The following TRPC5 variants were observed in gnomAD, a reference collection of about 807,000 sequenced individuals.
TRPC5 encodes transient receptor potential cation channel subfamily C member 5, also known as short transient receptor potential channel 5.
TRPC5 carries 9 observed loss-of-function variants against 56.5 expected under a neutral mutation model. That is an observed-to-expected ratio of 0.16 (90% CI 0.10 to 0.28). TRPC5 has a LOEUF of 0.28. TRPC5 is among the 10% of genes least tolerant of loss of function. The pLI, the probability that TRPC5 is intolerant of heterozygous loss-of-function variation, is 1.00. For synonymous variants in TRPC5, 282 were observed against 278.5 expected, an observed-to-expected ratio of 1.01 and a Z score of -0.13; for missense variants, 469 against 748.9, an observed-to-expected ratio of 0.63 and a Z score of 4.36.
chrX:111,858,794 C>G (rs981101055), intron 3 of TRPC5, among the ~76,000 whole-genome samples: 1 of 111,660 alleles, frequency 9.0e-6, no homozygotes. Context: ...TTCCTCTGTG[C>G]CCCAGCCTTC....
intron 7 of TRPC5, among the ~76,000 whole-genome samples, chrX:111,792,478 TAAAAA>T (rs1030931101): frequency 9.0e-6 from 1 of 110,689 alleles, no homozygotes; most frequent in East Asian, 2.8e-4. Flanking sequence ...TTTAAAAAAT[TAAAAA>T]AAAGCACTAC....
Position 111,858,375 on chromosome X carries a change from A to G in TRPC5, c.901-4269T>C, listed in dbSNP as rs1220455936. ...TAGGTTTTTATTTTAATGAAGTCCA[A>G]TTTGTAGTTTTTGTTGTTGTTGTAA... On this transcript the variant is annotated intron_variant, in intron 3 of 10. Coordinates refer to ENST00000262839, the MANE Select transcript of TRPC5 (RefSeq NM_012471.3). 2.7e-5 allele frequency among the ~76,000 whole-genome samples: 3 copies of G among 111,359 alleles called. No individual in the cohort carries two copies. The East Asian group carries it at 8.4e-4, about 31-fold the overall frequency.
In TRPC5 at chrX:111,775,474, T is replaced by C. The variant is rs1485076108; in HGVS notation, c.*839A>G. On this transcript the variant is annotated 3_prime_UTR_variant, in exon 11 of 11. Coordinates refer to ENST00000262839, the MANE Select transcript of TRPC5 (RefSeq NM_012471.3). Reference sequence around the variant, plus strand: ...TATCTTGCCAATGTATGAGATGTAGTGACTATTGGTTAGAGTGTAGTAGAT... The same window carrying C: ...TATCTTGCCAATGTATGAGATGTAGCGACTATTGGTTAGAGTGTAGTAGAT... 1 of 112,225 alleles carries C rather than the reference T, an allele frequency of 8.9e-6. No homozygotes were observed. Among genetic ancestry groups the C allele is most frequent in the Non-Finnish European group, 1.9e-5 (1 of 53,284 alleles). 9.2% of individuals were successfully genotyped at this position (112,225 alleles called of 1,213,427 possible).
At chrX:111,885,557 T>TAA (rs77870285) in intron 3 of TRPC5, among the ~76,000 whole-genome samples, 34 of 106,136 alleles carry the variant, frequency 3.2e-4, no homozygotes, top group Admixed American at 6.1e-4. Context: ...TTTTTTTTTT[T>TAA]AAAAAAAGAA....
chrX:112,050,889 A>G (rs1472796286), intron 1 of TRPC5, among the ~76,000 whole-genome samples: 1 of 112,470 alleles, frequency 8.9e-6, no homozygotes, highest in Non-Finnish European at 1.9e-5. Context: ...AGTGGGCCAA[A>G]AATCAAAATA....
chrX:112,017,856 AC>A (rs1212131094), intron 1 of TRPC5, among the ~76,000 whole-genome samples: 1 of 112,389 alleles, frequency 8.9e-6, no homozygotes, highest in African/African-American at 3.2e-5. Flanking sequence ...TTAAACTAGT[AC>A]AGTAGCTATG....
At chrX:111,999,914 C>T (rs915595394) in intron 1 of TRPC5, among the ~76,000 whole-genome samples, 2 of 111,187 alleles carry the variant, frequency 1.8e-5, no homozygotes, top group South Asian at 3.9e-4. Flanking sequence ...TGCCGTGACC[C>T]GAGATCGCAC....
chrX:111,804,682 T>C (rs1252876341), intron 7 of TRPC5, among the ~76,000 whole-genome samples: 1 of 111,786 alleles, frequency 8.9e-6, no homozygotes, highest in African/African-American at 3.3e-5. Flanking sequence ...GGAATGCTTG[T>C]GATTTTTGCA....
chrX:112,057,273 A>T (rs1930362701), intron 1 of TRPC5, among the ~76,000 whole-genome samples: 1 of 111,818 alleles, frequency 8.9e-6, no homozygotes, highest in South Asian at 3.7e-4. Context: ...TCAATGACTG[A>T]TTTAATAAAG....
At chrX:111,948,530 G>A (rs751720177) in intron 2 of TRPC5, among the ~76,000 whole-genome samples, 2 of 110,410 alleles carry the variant, frequency 1.8e-5, no homozygotes, top group Admixed American at 1.9e-4. Flanking sequence ...TCAGGAGTTC[G>A]AGACCAGCCT....
At chrX:111,887,154 T>C in intron 3 of TRPC5, among the ~76,000 whole-genome samples, 1 of 112,697 alleles carries the variant, frequency 8.9e-6, no homozygotes, top group East Asian at 2.8e-4. Context: ...CTTTTTGGAC[T>C]CTCACATCTC....
chrX:112,002,589 T>C (rs1190246763), intron 1 of TRPC5, among the ~76,000 whole-genome samples: 5 of 112,040 alleles, frequency 4.5e-5, no homozygotes, highest in Admixed American at 1.9e-4. Context: ...TGAAGCAGCC[T>C]ATTGTCTTGA....
intron 1 of TRPC5, among the ~76,000 whole-genome samples, chrX:112,014,138 G>A (rs1929060325): frequency 9.0e-6 from 1 of 111,662 alleles, no homozygotes; most frequent in Non-Finnish European, 1.9e-5. Flanking sequence ...CCCAGGTGCT[G>A]CTGGTGCTGC....
chrX:112,048,291 C>T (rs1002997098), intron 1 of TRPC5, among the ~76,000 whole-genome samples: 1 of 107,437 alleles, frequency 9.3e-6, no homozygotes, highest in Non-Finnish European at 1.9e-5. Flanking sequence ...GTTCTAGCTA[C>T]TTGGGAGGCT....
rs1569524918 is a variant in TRPC5 at position 111,774,285 on chromosome X, TA to T, written c.*2027del. 1 of 111,935 alleles carries T rather than the reference TA, an allele frequency of 8.9e-6. No homozygotes were observed. The highest frequency in any genetic ancestry group is 1.9e-5 in the Non-Finnish European group (1 of 53,115). The allele number at this position is 111,935 out of a possible 1,213,427, so 9.2% of individuals were successfully genotyped here. A position where few individuals can be genotyped will look rare whatever the true frequency, so the allele number is the denominator to read the frequency against. ...TGAGAAAAACATGTTTTTCTTTTTA[TA>T]AAATGGGGTTATATGCTATTTCTTT... On this transcript the variant is annotated 3_prime_UTR_variant, in exon 11 of 11. Coordinates refer to ENST00000262839, the MANE Select transcript of TRPC5 (RefSeq NM_012471.3).
At chrX:111,833,729 A>ATG (rs999017708) in intron 7 of TRPC5, among the ~76,000 whole-genome samples, 7 of 109,256 alleles carry the variant, frequency 6.4e-5, no homozygotes, top group South Asian at 3.9e-4. Flanking sequence ...ATGTATGGGT[A>ATG]TGTGTGTGTG....
At position 111,788,153 on chromosome X, in the gene TRPC5, G is replaced by A. The variant is rs189320286; in HGVS notation, c.1897-6015C>T. ...CAATATCCCTGATGAACATCAATGC[G>A]AAAATCCTCAATGAAATACTGGCAA... On this transcript the variant is annotated intron_variant, in intron 7 of 10. Transcript: ENST00000262839. 5.2e-3 allele frequency among the ~76,000 whole-genome samples: 582 copies of A among 111,592 alleles called. 7 individuals carry two copies. Among genetic ancestry groups the A allele is most frequent in the African/African-American group, 0.017 (536 of 30,745 alleles).
At chrX:111,780,748 C>T (rs995347297) in intron 9 of TRPC5, among the ~76,000 whole-genome samples, 5 of 111,887 alleles carry the variant, frequency 4.5e-5, no homozygotes, top group Non-Finnish European at 9.4e-5. Flanking sequence ...ATTTTAATGA[C>T]GTGTTATTTT....
intron 4 of TRPC5, among the ~76,000 whole-genome samples, chrX:111,853,143 CAAAT>C (rs1220565897): frequency 1.3e-4 from 14 of 111,556 alleles, no homozygotes; most frequent in African/African-American, 4.6e-4. Flanking sequence ...TTCTTTGTGT[CAAAT>C]AATCTCCCAG....
Sources: gnomAD v4.1 joint callset for allele counts (sites outside exome capture counted in the v4.1 genomes callset) on GRCh38, gnomAD v4.1.1 for gene constraint, MANE v1.5 for transcripts, NCBI Gene and HGNC (gene_info 2026-07-23, HGNC 2026-07-21) for gene names.